The following CHAF1A variants were observed in gnomAD, a reference collection of about 807,000 sequenced individuals.
The protein encoded by CHAF1A is chromatin assembly factor 1 subunit A, also known as CAF-1 subunit A.
CHAF1A carries 5 observed loss-of-function variants against 93.2 expected under a neutral mutation model. The ratio of observed to expected loss-of-function variants is 0.05; its 90% CI spans 0.03 to 0.11. CHAF1A has a LOEUF of 0.11. CHAF1A is among the 10% of genes least tolerant of loss of function. CHAF1A has a pLI of 1.00. For missense variants in CHAF1A, 1,102 were observed against 1,259.9 expected (o/e 0.87, Z 1.90); for synonymous variants, 504 against 510.3 (o/e 0.99, Z 0.17).
At chr19:4,416,181 AAAAG>A (rs1156581874) in intron 3 of CHAF1A, among the ~76,000 whole-genome samples, 2 of 152,212 alleles carry the variant, frequency 1.3e-5, no homozygotes, top group Non-Finnish European at 2.9e-5. Context: ...CTCAAAAAAA[AAAAG>A]AAATCACTTA....
intron 13 of CHAF1A, among the ~76,000 whole-genome samples, chr19:4,435,332 C>A (rs1053247415): frequency 6.6e-6 from 1 of 151,904 alleles, no homozygotes; most frequent in Non-Finnish European, 1.5e-5. Context: ...CCCGCCTTAG[C>A]CTTCCAAAGT....
intron 3 of CHAF1A, among the ~76,000 whole-genome samples, chr19:4,416,227 A>G (rs1973895328): frequency 6.6e-6 from 1 of 152,064 alleles, no homozygotes; most frequent in Non-Finnish European, 1.5e-5. Flanking sequence ...GACCATTGCC[A>G]GGAAAATGGG....
chr19:4,404,416 G>A (rs576637875), intron 1 of CHAF1A, among the ~76,000 whole-genome samples: 5 of 152,140 alleles, frequency 3.3e-5, no homozygotes, highest in African/African-American at 1.2e-4. Context: ...ATAGATTTTT[G>A]TGATTGTCTC....
intron 7 of CHAF1A, among the ~76,000 whole-genome samples, chr19:4,426,877 G>A (rs1407922060): frequency 6.6e-6 from 1 of 151,996 alleles, no homozygotes; most frequent in Non-Finnish European, 1.5e-5. Context: ...AATCATCTGA[G>A]GTCAGGAGCT....
At chr19:4,418,907 G>T (rs1973942498) in intron 4 of CHAF1A, among the ~76,000 whole-genome samples, 1 of 151,918 alleles carries the variant, frequency 6.6e-6, no homozygotes, top group South Asian at 2.1e-4. Context: ...TCTGTCACCA[G>T]ACTGGAGTGC....
At chr19:4,446,860 C>T (rs534975080), downstream of CHAF1A, 21 of 1,614,088 alleles carry the variant, frequency 1.3e-5, no homozygotes, top group Middle Eastern at 1.6e-4. Context: ...GGAAGCAACA[C>T]CTTCTGGAAC....
In CHAF1A at chr19:4,410,978, C is replaced by T. The variant is rs190207096; in HGVS notation, c.960+1219C>T. On this transcript the variant is annotated intron_variant, in intron 3 of 14. Transcript: ENST00000301280. ...CTGATAAAATCAGTCACGAGTCCCA[C>T]GGTGTTTAGTGGTGTCTTTTGATTT... is the stretch of plus-strand genomic sequence containing the variant. Among the ~76,000 whole-genome samples the T allele has an allele frequency of 1.0e-3, 155 of 152,290 alleles. 1 individual carries two copies. Among genetic ancestry groups the T allele is most frequent in the African/African-American group, 3.3e-3 (139 of 41,546 alleles).
At chr19:4,420,443 A>G (rs953228242) in intron 4 of CHAF1A, among the ~76,000 whole-genome samples, 1 of 152,052 alleles carries the variant, frequency 6.6e-6, no homozygotes, top group Non-Finnish European at 1.5e-5. Flanking sequence ...GGGTTTCACC[A>G]TGTTGGCCAG....
chr19:4,424,307 C>T (rs2145110378), intron 7 of CHAF1A, among the ~76,000 whole-genome samples: 2 of 152,310 alleles, frequency 1.3e-5, no homozygotes, highest in South Asian at 4.1e-4. Flanking sequence ...CCACAGCCCT[C>T]CTTCCCCTTT....
At chr19:4,408,461 C>CCTTTTTT (rs1973725517) in intron 2 of CHAF1A, among the ~76,000 whole-genome samples, 1 of 36,012 alleles carries the variant, frequency 2.8e-5, no homozygotes, top group Non-Finnish European at 4.3e-5. Flanking sequence ...CGCACCCGGC[C>CCTTTTTT]TTTTTTTTTT....
At chr19:4,444,105 C>T (rs965776389), downstream of CHAF1A, among the ~76,000 whole-genome samples, 1 of 152,166 alleles carries the variant, frequency 6.6e-6, no homozygotes, top group Non-Finnish European at 1.5e-5. Context: ...TACAGGGGCT[C>T]CCGACAACCC....
chr19:4,448,285 G>T (rs757451645), downstream of CHAF1A: 3 of 1,559,064 alleles, frequency 1.9e-6, no homozygotes, highest in East Asian at 2.4e-5. Flanking sequence ...TGAGCTGGAG[G>T]GGCCAGGCAG....
At chr19:4,447,168 C>T, downstream of CHAF1A, 1 of 593,058 alleles carries the variant, frequency 1.7e-6, no homozygotes, top group Non-Finnish European at 3.0e-6. Flanking sequence ...GCTGAGGAGC[C>T]AGACACTGCT....
rs1599654651 is a variant in CHAF1A, at chr19:4,428,721, C to T, written c.1435C>T (p.Leu479=). The T allele has an allele frequency of 1.9e-6, 3 of 1,614,104 alleles. No individual in the cohort carries two copies. Among genetic ancestry groups the T allele is most frequent in the Non-Finnish European group, 2.5e-6 (3 of 1,180,042 alleles). The change falls in exon 8 of 15, where the codon CTG becomes TTG. Residue 479 remains leucine, a synonymous_variant. Coordinates refer to ENST00000301280, the MANE Select transcript of CHAF1A (RefSeq NM_005483.3). ...APFEIKEHMV[L]APRRRTAFHP... ...CTTTGAAATTAAAGAGCACATGGTC[C>T]TGGCCCCTCGGCGTCGGACCGCTTT...
chr19:4,441,566 C>T (rs1974389030), intron 13 of CHAF1A, among the ~76,000 whole-genome samples: 1 of 151,924 alleles, frequency 6.6e-6, no homozygotes, highest in Non-Finnish European at 1.5e-5. Context: ...TGAGATTGTG[C>T]CACTGCACTC....
Position 4,433,215 on chromosome 19 carries a change from C to T in CHAF1A, c.2349C>T (p.Thr783=), listed in dbSNP as rs1219352750. ...PRSPSTTYLH[T]PTPSEDAAIP... Reference sequence around the variant, plus strand: ...GCCCCTCCACCACCTACCTGCACACCCCCACCCCCAGCGAGGATGCCGCCA... The same window carrying T: ...GCCCCTCCACCACCTACCTGCACACTCCCACCCCCAGCGAGGATGCCGCCA... Residue 783 remains threonine (T), a synonymous_variant, in exon 13 of 15, where the codon ACC becomes ACT. Transcript: ENST00000301280. The surrounding 1 kb of genome is among the most constrained non-coding windows in gnomAD (Gnocchi z 5.6). 1 of 1,613,972 alleles carries T rather than the reference C, an allele frequency of 6.2e-7. No homozygotes were observed. The highest frequency in any genetic ancestry group is 8.5e-7 in the Non-Finnish European group (1 of 1,179,986).
At chr19:4,447,033 G>T, downstream of CHAF1A, 1 of 1,079,648 alleles carries the variant, frequency 9.3e-7, no homozygotes, top group Non-Finnish European at 1.4e-6. Flanking sequence ...GTCGACCCCT[G>T]GATGGGGCCC....
chr19:4,445,269 T>C (rs1279931336), downstream of CHAF1A: 4 of 599,110 alleles, frequency 6.7e-6, no homozygotes, highest in East Asian at 1.3e-4. Flanking sequence ...GATTTGTTGG[T>C]GTCCCCAGGC....
chr19:4,442,679 C>T (rs1974415688), intron 14 of CHAF1A, among the ~76,000 whole-genome samples: 1 of 152,212 alleles, frequency 6.6e-6, no homozygotes, highest in African/African-American at 2.4e-5. Flanking sequence ...GTACAGAGGC[C>T]CTGCAGCAGG....
Sources: gnomAD v4.1 joint callset for allele counts (sites outside exome capture counted in the v4.1 genomes callset) on GRCh38, gnomAD v4.1.1 for gene constraint, Gnocchi (gnomAD v3.1) non-coding constraint, MANE v1.5 for transcripts, NCBI Gene and HGNC (gene_info 2026-07-23, HGNC 2026-07-21) for gene names.